Variants in MACROD2 observed in about 807,000 individuals in gnomAD.
The protein encoded by MACROD2 is ADP-ribose glycohydrolase MACROD2.
In MACROD2, 36 loss-of-function variants were observed where a neutral mutation model predicts 70.4. That is an observed-to-expected ratio of 0.51 (90% CI 0.39 to 0.68). The LOEUF is 0.68. Ranked by LOEUF, MACROD2 falls within the 30% of genes least tolerant of loss-of-function variation. MACROD2 has a pLI of 0.00. For missense variants in MACROD2, 496 were observed against 538.4 expected, an observed-to-expected ratio of 0.92 and a Z score of 0.78; for synonymous variants, 172 against 178.8, an observed-to-expected ratio of 0.96 and a Z score of 0.30.
intron 15 of MACROD2, among the ~76,000 whole-genome samples, chr20:15,994,829 A>G (rs1237322619): frequency 1.3e-5 from 2 of 152,146 alleles, no homozygotes; most frequent in African/African-American, 4.8e-5. Context: ...TGCAAGTTTG[A>G]GTACTTTTGG....
intron 5 of MACROD2, among the ~76,000 whole-genome samples, chr20:15,018,910 T>C (rs1329744804): frequency 6.6e-6 from 1 of 152,210 alleles, no homozygotes; most frequent in Non-Finnish European, 1.5e-5. Flanking sequence ...CTCCTTTGCT[T>C]TCTACCATGA....
intron 8 of MACROD2, among the ~76,000 whole-genome samples, chr20:15,578,554 A>G (rs778016666): frequency 3.9e-5 from 6 of 152,276 alleles, no homozygotes; most frequent in Non-Finnish European, 7.3e-5. Flanking sequence ...GCCATATGCC[A>G]GAGACTATGC....
At chr20:14,848,731 A>C (rs551181496) in intron 5 of MACROD2, among the ~76,000 whole-genome samples, 1 of 152,252 alleles carries the variant, frequency 6.6e-6, no homozygotes, top group South Asian at 2.1e-4. Context: ...CTAGAGAGGC[A>C]TTTCCTGGGA....
chr20:14,361,992 A>G lies in MACROD2; in HGVS notation c.272-131487A>G, dbSNP rs376044147. 2.6e-5 allele frequency among the ~76,000 whole-genome samples: 4 copies of G among 152,118 alleles called. No individual in the cohort carries two copies. The East Asian group carries it at 5.8e-4, about 22-fold the overall frequency. On this transcript the variant is annotated intron_variant, in intron 3 of 17. Transcript: ENST00000684519. ...CTCTGGTTTATCTGCACATTTCACA[A>G]TCTTTTCTAGCTGTTTAATAAAGGT...
At chr20:15,976,081 G>A (rs1021624224) in intron 13 of MACROD2, among the ~76,000 whole-genome samples, 6 of 152,180 alleles carry the variant, frequency 3.9e-5, no homozygotes, top group Admixed American at 2.0e-4. Flanking sequence ...AAGAAAACTT[G>A]AGCATCTAAT....
intron 6 of MACROD2, among the ~76,000 whole-genome samples, chr20:15,370,778 A>G (rs1225606528): frequency 2.0e-5 from 3 of 152,014 alleles, no homozygotes; most frequent in African/African-American, 4.8e-5. Flanking sequence ...GACCACCTAG[A>G]TTTTTTTAAC....
intron 2 of MACROD2, among the ~76,000 whole-genome samples, chr20:14,057,513 A>G (rs1379164326): frequency 6.6e-6 from 1 of 152,228 alleles, no homozygotes; most frequent in Non-Finnish European, 1.5e-5. Context: ...AATGGCTAAA[A>G]TTAGAAAGAT....
At chr20:15,328,131 G>A (rs879314083) in intron 6 of MACROD2, among the ~76,000 whole-genome samples, 5 of 152,020 alleles carry the variant, frequency 3.3e-5, no homozygotes, top group Admixed American at 1.3e-4. Context: ...GGGGTGGTTG[G>A]TTAGGACAGG....
intron 8 of MACROD2, among the ~76,000 whole-genome samples, chr20:15,510,779 T>C (rs553120835): frequency 1.3e-3 from 197 of 152,340 alleles, no homozygotes; most frequent in Non-Finnish European, 2.6e-3. Flanking sequence ...CATGCACCGC[T>C]GGAGGCTGTA....
intron 3 of MACROD2, among the ~76,000 whole-genome samples, chr20:14,389,781 C>A (rs989153663): frequency 3.9e-5 from 6 of 152,096 alleles, no homozygotes; most frequent in Admixed American, 1.3e-4. Flanking sequence ...ATATGACAAA[C>A]CCACAGCCAG....
At chr20:15,776,999 T>C (rs1363469084) in intron 8 of MACROD2, among the ~76,000 whole-genome samples, 1 of 152,176 alleles carries the variant, frequency 6.6e-6, no homozygotes, top group African/African-American at 2.4e-5. Flanking sequence ...AGTCTTCCTA[T>C]TGTCCATTAA....
At chr20:14,038,379 T>G (rs2053346709) in intron 2 of MACROD2, among the ~76,000 whole-genome samples, 1 of 152,210 alleles carries the variant, frequency 6.6e-6, no homozygotes, top group African/African-American at 2.4e-5. Flanking sequence ...ATTGACTTAT[T>G]TAATGACTAC....
At position 14,826,561 on chromosome 20, in the gene MACROD2, G is replaced by A. The variant is rs147646432; in HGVS notation, c.418+141602G>A. Among the ~76,000 whole-genome samples the A allele has an allele frequency of 1.4e-3, 214 of 152,092 alleles. 1 individual carries two copies. The highest frequency in any genetic ancestry group is 4.9e-3 in the African/African-American group (205 of 41,496). ...GTCTATTTTGCTTTTGGCAGAATTC[G>A]TGTATCTATTGAGTTGCATTCTGTT... is the stretch of plus-strand genomic sequence containing the variant. On this transcript the variant is annotated intron_variant, in intron 5 of 17. Coordinates refer to ENST00000684519, the MANE Select transcript of MACROD2 (RefSeq NM_001351661.2).
chr20:14,324,850 G>A (rs1268690519), intron 3 of MACROD2: 2 of 152,258 alleles, frequency 1.3e-5, no homozygotes, highest in Non-Finnish European at 1.5e-5. Context: ...TATTTTCAAA[G>A]CTTTGCTGAC....
At chr20:14,979,222 A>T (rs1313197421) in intron 5 of MACROD2, among the ~76,000 whole-genome samples, 4 of 151,750 alleles carry the variant, frequency 2.6e-5, no homozygotes, top group Non-Finnish European at 5.9e-5. Flanking sequence ...GGCCTTCTAA[A>T]GTATTGGGAT....
chr20:15,268,470 G>A (rs1449054598), intron 6 of MACROD2, among the ~76,000 whole-genome samples: 1 of 152,176 alleles, frequency 6.6e-6, no homozygotes, highest in East Asian at 1.9e-4. Flanking sequence ...GGCCAAGATG[G>A]TGAAACCCTG....
chr20:15,091,281 T>A (rs1428615774), intron 5 of MACROD2, among the ~76,000 whole-genome samples: 1 of 151,710 alleles, frequency 6.6e-6, no homozygotes, highest in East Asian at 1.9e-4. Flanking sequence ...AATCTTACTT[T>A]GGGGGAATCC....
At chr20:15,318,427 C>G (rs1218656954) in intron 6 of MACROD2, among the ~76,000 whole-genome samples, 6 of 152,086 alleles carry the variant, frequency 3.9e-5, no homozygotes, top group Admixed American at 3.9e-4. Context: ...CCTTCTCAAA[C>G]TTTTCCAAAA....
At chr20:14,484,576 C>T (rs947658642) in intron 3 of MACROD2, among the ~76,000 whole-genome samples, 1 of 152,042 alleles carries the variant, frequency 6.6e-6, no homozygotes, top group African/African-American at 2.4e-5. Context: ...TCCCCACTTC[C>T]TCTCCACCCC....
Sources: allele counts gnomAD v4.1 joint callset (sites outside exome capture counted in the v4.1 genomes callset), GRCh38; gene constraint gnomAD v4.1.1; transcripts MANE v1.5; gene names NCBI Gene and HGNC (gene_info 2026-07-23, HGNC 2026-07-21).